Variants in CTSV observed in about 807,000 individuals in gnomAD.
CTSV encodes cathepsin V.
A neutral mutation model predicts 35.6 loss-of-function variants in CTSV; 33 were observed. That is an observed-to-expected ratio of 0.93 (90% CI 0.70 to 1.24). The LOEUF (loss-of-function observed/expected upper bound fraction) is 1.24. Ranked by LOEUF, CTSV falls within the 50% of genes most tolerant of loss-of-function variation. The pLI is 0.00. For synonymous variants in CTSV, 154 were observed against 147.1 expected (o/e 1.05, Z -0.34); for missense variants, 408 against 413.1 (o/e 0.99, Z 0.11).
intron 7 of CTSV, among the ~76,000 whole-genome samples, chr9:97,033,426 C>T (rs1371143557): frequency 7.1e-6 from 1 of 140,808 alleles, no homozygotes; most frequent in Non-Finnish European, 1.5e-5. Context: ...GCTTGACCAA[C>T]ATGGTGAAAC....
Position 97,030,356 on chromosome 9 carries a change from T to C in CTSV, c.*2593A>G, listed in dbSNP as rs1460792702. 6.6e-6 allele frequency: 1 copy of C among 152,194 alleles called. No individual in the cohort carries two copies. The highest frequency in any genetic ancestry group is 1.5e-5 in the Non-Finnish European group (1 of 68,050). The allele number at this position is 152,194 out of a possible 1,614,324, so 9.4% of individuals were successfully genotyped here. On this transcript the variant is annotated 3_prime_UTR_variant, in exon 8 of 8. Coordinates refer to ENST00000259470, the MANE Select transcript of CTSV (RefSeq NM_001333.4). ...TCCTCCCTCTTAATATGCTCAGTGA[T>C]TTCTATCTCACCCTTCCTTACTTCC...
chr9:97,036,849 C>G (rs62558850), intron 4 of CTSV, 102 bp from the exon 5 acceptor site: 1 of 996,102 alleles, frequency 1.0e-6, no homozygotes, highest in African/African-American at 1.7e-5. Flanking sequence ...AAAAAAAACC[C>G]ATCGCCACAC....
At position 97,036,229 on chromosome 9, in the gene CTSV, C is replaced by T. The variant is rs538096515; in HGVS notation, c.621+294G>A. Among the ~76,000 whole-genome samples, 4 of 152,148 alleles carry T rather than the reference C, an allele frequency of 2.6e-5. No homozygotes were observed. The East Asian group carries it at 7.8e-4, about 29-fold the overall frequency. On this transcript the variant is annotated intron_variant, in intron 5 of 7. Transcript: ENST00000259470. ...GGGACTACGGGCACCCGCCACCAGG[C>T]CGGGCTAATTTTTTTGTATTTTTAG...
At position 97,037,503 on chromosome 9, in the gene CTSV, A is replaced by G; in HGVS notation, c.239T>C (p.Phe80Ser). The part of the protein sequence containing the change: ...KHGFTMAMNA[F>S]GDMTNEEFRQ... ...CCTTGCCACACTCACCATGTCACCA[A>G]AAGCATTCATGGCCATTGTGAAGCC... Residue 80 changes from phenylalanine (F) to serine (S), a missense_variant, in exon 3 of 8, where the codon TTT becomes TCT. Phe to Ser is a radical substitution (Grantham distance 155). Transcript: ENST00000259470. 1.9e-6 allele frequency: 3 copies of G among 1,614,198 alleles called. No homozygotes were observed. Among genetic ancestry groups the G allele is most frequent in the Middle Eastern group, 1.7e-4 (1 of 6,060 alleles).
chr9:97,038,219 T>G (rs1828890783), intron 1 of CTSV, among the ~76,000 whole-genome samples, 166 bp from the exon 2 acceptor site: 1 of 152,090 alleles, frequency 6.6e-6, no homozygotes, highest in Non-Finnish European at 1.5e-5. Context: ...CCCACCAAAA[T>G]TAAAAGCAGC....
At chr9:97,037,702 GAA>G (rs1232200401) in intron 2 of CTSV, 87 bp from the exon 3 acceptor site, 1 of 1,559,788 alleles carries the variant, frequency 6.4e-7, no homozygotes, top group Non-Finnish European at 8.7e-7. Flanking sequence ...AAATGGAAGA[GAA>G]ACCATGGCCA....
chr9:97,032,867 A>G lies in CTSV; in HGVS notation c.*82T>C. The G allele has an allele frequency of 1.1e-6, 1 of 913,606 alleles. No homozygotes were observed. Among genetic ancestry groups the G allele is most frequent in the Non-Finnish European group, 1.7e-6 (1 of 595,444 alleles). The allele number at this position is 913,606 out of a possible 1,614,324, so 56.6% of individuals were successfully genotyped here. A position where few individuals can be genotyped will look rare whatever the true frequency, so the allele number is the denominator to read the frequency against. ...CAATGATTCAACTGGTTTATCTTAC[A>G]CAATAAGCGTTTGGTCAGTTTCAAG... On this transcript the variant is annotated 3_prime_UTR_variant, in exon 8 of 8. Coordinates refer to ENST00000259470, the MANE Select transcript of CTSV (RefSeq NM_001333.4).
intron 2 of CTSV, 24 bp downstream of exon 2, chr9:97,037,894 T>C: frequency 1.9e-6 from 3 of 1,612,252 alleles, no homozygotes; most frequent in Non-Finnish European, 2.5e-6. Context: ...AGAGTCCCTC[T>C]GGACAGTTTC....
rs1196057026 is a variant in CTSV, at chr9:97,031,955, T to G, written c.*994A>C. 6.6e-6 allele frequency: 1 copy of G among 152,250 alleles called. No homozygotes were observed. Among genetic ancestry groups the G allele is most frequent in the Admixed American group, 6.5e-5 (1 of 15,280 alleles). The allele number at this position is 152,250 out of a possible 1,614,324, so 9.4% of individuals were successfully genotyped here. On this transcript the variant is annotated 3_prime_UTR_variant, in exon 8 of 8. Transcript: ENST00000259470. ...ATACCCTTGGTAACTTACTTGCACCTGCGTCTTCCTCAGACTGCAAAGTGG... is the reference window on the plus strand; with the variant it reads ...ATACCCTTGGTAACTTACTTGCACCGGCGTCTTCCTCAGACTGCAAAGTGG...
rs1456088454 is a variant in CTSV, at chr9:97,036,679, A to C, written c.465T>G (p.Thr155=). The C allele has an allele frequency of 6.2e-7, 1 of 1,614,060 alleles. No homozygotes were observed. The highest frequency in any genetic ancestry group is 1.1e-5 in the South Asian group (1 of 91,076). Residue 155 remains threonine, a synonymous_variant, in exon 5 of 8, where the codon ACT becomes ACG. Transcript: ENST00000259470. ...GALEGQMFRK[T]GKLVSLSEQN... ...GCTCGCTCAGTGAGACAAGTTTCCC[A>C]GTTTTCCGGAACATCTGTCCTTCAA...
rs202197008 is a variant in CTSV at position 97,035,480 on chromosome 9, T to C, written c.787+48A>G. 384 of 1,376,592 alleles carry C rather than the reference T, an allele frequency of 2.8e-4. 1 individual carries two copies. The East Asian group carries it at 9.7e-3, about 35-fold the overall frequency. The allele number at this position is 1,376,592 out of a possible 1,614,324, so 85.3% of individuals were successfully genotyped here. A position where few individuals can be genotyped will look rare whatever the true frequency, so the allele number is the denominator to read the frequency against. On this transcript the variant is annotated intron_variant, in intron 6 of 7. Coordinates refer to ENST00000259470, the MANE Select transcript of CTSV (RefSeq NM_001333.4). ...TGTCATATCCAAGAATCAATCACAG[T>C]GATGCTTCCCAATTCTGCCTAAATT...
At chr9:97,037,221 G>C (rs1299332859) in intron 4 of CTSV, 31 bp downstream of exon 4, 2 of 1,602,616 alleles carry the variant, frequency 1.2e-6, no homozygotes, top group African/African-American at 2.7e-5. Context: ...CTTTCCTGTG[G>C]AGACAGGGTC....
rs1447391376 is a variant in CTSV, at chr9:97,031,199, T to A, written c.*1750A>T. On this transcript the variant is annotated 3_prime_UTR_variant, in exon 8 of 8. Transcript: ENST00000259470. ...CAAGAATCTGTGGAGAGTACCAACTTAGCCTGCTGCTGCAAAGACGAAGGA... is the reference window on the plus strand; with the variant it reads ...CAAGAATCTGTGGAGAGTACCAACTAAGCCTGCTGCTGCAAAGACGAAGGA... 1.3e-5 allele frequency: 2 copies of A among 152,224 alleles called. No homozygotes were observed. The highest frequency in any genetic ancestry group is 4.8e-5 in the African/African-American group (2 of 41,458). The allele number at this position is 152,224 out of a possible 1,614,324, so 9.4% of individuals were successfully genotyped here.
Position 97,035,531 on chromosome 9 carries a change from A to C in CTSV, c.784T>G (p.Ser262Ala). The C allele has an allele frequency of 6.6e-7, 1 of 1,525,090 alleles. No homozygotes were observed. The allele number at this position is 1,525,090 out of a possible 1,614,324, so 94.5% of individuals were successfully genotyped here. The change falls in exon 6 of 8, where the codon TCA becomes GCA. Residue 262 changes from serine (S) to alanine (A), a missense_variant. By Grantham distance (99) the Ser-to-Ala change is moderately conservative. Transcript: ENST00000259470. The part of the protein sequence containing the change: ...AGHSSFQFYK[S>A]GIYFEPDCSS... ...TCTATAATAAAATGACACTTACCTG[A>C]TTTGTAGAACTGGAAGGACGAATGG...
intron 5 of CTSV, among the ~76,000 whole-genome samples, chr9:97,036,137 C>T (rs1828845621): frequency 6.6e-6 from 1 of 150,956 alleles, no homozygotes; most frequent in South Asian, 2.1e-4. Context: ...GTGGTGCGAT[C>T]TTGGCTCACT....
At chr9:97,033,939 C>CA (rs889762701) in intron 7 of CTSV, among the ~76,000 whole-genome samples, 3 of 151,208 alleles carry the variant, frequency 2.0e-5, no homozygotes, top group South Asian at 2.1e-4. Flanking sequence ...CTAAAAAATA[C>CA]AAAAAAAATT....
intron 6 of CTSV, 26 bp from the exon 7 acceptor site, chr9:97,034,869 G>C (rs1259773543): frequency 4.4e-6 from 7 of 1,575,956 alleles, no homozygotes; most frequent in Non-Finnish European, 6.1e-6. Context: ...TAATGCTGGG[G>C]TGAGAAGCTC....
chr9:97,034,454 A>C (rs1828810350), intron 7 of CTSV, among the ~76,000 whole-genome samples: 1 of 152,208 alleles, frequency 6.6e-6, no homozygotes, highest in African/African-American at 2.4e-5. Context: ...TCAGCTCTCA[A>C]ACCTACAGGT....
chr9:97,033,018 A>C lies in CTSV; in HGVS notation c.936T>G (p.Tyr312Ter), dbSNP rs754510537. 6.2e-7 allele frequency: 1 copy of C among 1,613,430 alleles called. No individual in the cohort carries two copies. Among genetic ancestry groups the C allele is most frequent in the South Asian group, 1.1e-5 (1 of 90,956 alleles). ...SWGPEWGSNGYVKIAKDKNNH... is the reference protein window; with the variant it reads ...SWGPEWGSNG ...TGTTCTTGTCTTTGGCTATTTTTAC[A>C]TAGCCATTCGAGCCCCATTCTGGAC... The change falls in exon 8 of 8, where the codon TAT (tyrosine) becomes TAG (stop). Residue 312 changes from tyrosine (Y) to a stop codon, truncating the protein, a stop_gained. Transcript: ENST00000259470. LOFTEE classifies it high-confidence loss of function.
Sources: allele counts gnomAD v4.1 joint callset (sites outside exome capture counted in the v4.1 genomes callset), GRCh38; gene constraint gnomAD v4.1.1; transcripts MANE v1.5; gene names NCBI Gene and HGNC (gene_info 2026-07-23, HGNC 2026-07-21).